Variants in MDN1 observed in about 807,000 individuals in gnomAD.
MDN1 encodes midasin AAA ATPase 1.
A neutral mutation model predicts 669.2 loss-of-function variants in MDN1; 266 were observed. The observed-to-expected ratio is 0.40, with a 90% CI of 0.36 to 0.44. The LOEUF is 0.44. Among genes scored for constraint, MDN1 ranks in the 20% least tolerant of loss-of-function variants. MDN1 has a pLI of 1.00. For synonymous variants in MDN1, 2,385 were observed against 2,457.1 expected (o/e 0.97, Z 0.87); for missense variants, 5,940 against 6,754.0 (o/e 0.88, Z 4.22).
In MDN1 at chr6:89,714,636, A is replaced by G. The variant is rs750485126; in HGVS notation, c.6976T>C (p.Leu2326=). 3 of 1,614,040 alleles carry G rather than the reference A, an allele frequency of 1.9e-6. No individual in the cohort carries two copies. Among genetic ancestry groups the G allele is most frequent in the Non-Finnish European group, 2.5e-6 (3 of 1,180,020 alleles). The change falls in exon 46 of 102, where the codon TTG becomes CTG. Residue 2326 remains leucine, a synonymous_variant. Coordinates refer to ENST00000369393, the MANE Select transcript of MDN1 (RefSeq NM_014611.3). ...CCAAGGCTGTGCAGCAGAACTTTCA[A>G]ATCCAGGTTGTCTGGGGTGCTTGCA... The part of the protein sequence containing the change: ...GDASTPDNLD[L]KVLLHSLGLV...
rs1321538903 is a variant in MDN1, at chr6:89,793,402, A to G, written c.855+360T>C. 2.6e-5 allele frequency among the ~76,000 whole-genome samples: 4 copies of G among 152,182 alleles called. No individual in the cohort carries two copies. In the East Asian group the frequency reaches 7.7e-4, roughly 29 times the overall value. On this transcript the variant is annotated intron_variant, in intron 5 of 101. Coordinates refer to ENST00000369393, the MANE Select transcript of MDN1 (RefSeq NM_014611.3). ...TTAAAGGCATCACACAGGAACCATTAGTTTCTAATTTCATATTAAACAGGG... is the reference window on the plus strand; with the variant it reads ...TTAAAGGCATCACACAGGAACCATTGGTTTCTAATTTCATATTAAACAGGG...
chr6:89,664,663 A>G, intron 84 of MDN1, 35 bp from the exon 85 acceptor site: 1 of 1,544,530 alleles, frequency 6.5e-7, no homozygotes, highest in Non-Finnish European at 8.9e-7. Flanking sequence ...AATAAATGAA[A>G]CTTTACCAAT....
chr6:89,662,302 G>A, intron 86 of MDN1, 63 bp from the exon 87 acceptor site: 1 of 1,528,830 alleles, frequency 6.5e-7, no homozygotes, highest in Non-Finnish European at 8.8e-7. Flanking sequence ...TTCTGCATGG[G>A]TTGACTTTTA....
chr6:89,812,510 G>A (rs760456441), intron 1 of MDN1, among the ~76,000 whole-genome samples: 4 of 151,752 alleles, frequency 2.6e-5, no homozygotes, highest in Non-Finnish European at 5.9e-5. Flanking sequence ...AACAAAAATA[G>A]AAAAGGAAAA....
intron 53 of MDN1, among the ~76,000 whole-genome samples, chr6:89,702,611 GATGTCTTGCTCATTTTAAAAACT>G (rs1813233381): frequency 1.3e-5 from 2 of 152,288 alleles, no homozygotes; most frequent in Middle Eastern, 6.8e-3. Context: ...ATTCTATTCA[GATGTCTTGCTCATTTTAAAAACT>G]AGGTTGTATT....
intron 87 of MDN1, 90 bp from the exon 88 acceptor site, chr6:89,661,668 T>TAC (rs1809775419): frequency 7.9e-6 from 10 of 1,259,086 alleles, no homozygotes; most frequent in Non-Finnish European, 1.1e-5. Context: ...TCTAAGTATT[T>TAC]ACACTGTGAG....
At chr6:89,700,519 T>TAA in intron 56 of MDN1, 127 bp downstream of exon 56, 1 of 873,778 alleles carries the variant, frequency 1.1e-6, no homozygotes, top group Middle Eastern at 2.8e-4. Flanking sequence ...GACACTTATA[T>TAA]AAAGGTATAT....
intron 44 of MDN1, 79 bp downstream of exon 44, chr6:89,716,571 C>G: frequency 1.4e-6 from 2 of 1,462,504 alleles, no homozygotes; most frequent in Non-Finnish European, 1.8e-6. Flanking sequence ...AAAATACCAG[C>G]ACTTCTATCT....
Position 89,719,142 on chromosome 6 carries a change from A to G in MDN1, c.6051T>C (p.Asp2017=). ...GTRLFRITPY[D]VQLGYSVLSR... ...ATTATCCTAGTCTCCTTACCTGAAC[A>G]TCATAGGGAGTGATACGAAATAGTC... is the stretch of plus-strand genomic sequence containing the variant. Residue 2017 remains aspartate (D), a synonymous_variant, in exon 41 of 102, where the codon GAT becomes GAC. Transcript: ENST00000369393. The G allele has an allele frequency of 3.1e-6, 5 of 1,613,420 alleles. No homozygotes were observed. Among genetic ancestry groups the G allele is most frequent in the Non-Finnish European group, 4.2e-6 (5 of 1,179,292 alleles).
chr6:89,692,876 C>A lies in MDN1; in HGVS notation c.10154G>T (p.Arg3385Leu). 9 of 1,614,222 alleles carry A rather than the reference C, an allele frequency of 5.6e-6. No homozygotes were observed. Among genetic ancestry groups the A allele is most frequent in the Non-Finnish European group, 7.6e-6 (9 of 1,180,034 alleles). ...ATAGAAGGTGTACTCCTCTGACAGCCGCTTCCGGAACTGGTGGTGTGACTG... is the reference window on the plus strand; with the variant it reads ...ATAGAAGGTGTACTCCTCTGACAGCAGCTTCCGGAACTGGTGGTGTGACTG... Reference protein sequence around the residue: ...WQQSHHQFRKRLSEEYTFYPD... With the variant: ...WQQSHHQFRKLLSEEYTFYPD... Residue 3385 changes from arginine to leucine, a missense_variant, in exon 63 of 102, where the codon CGG becomes CTG. Coordinates refer to ENST00000369393, the MANE Select transcript of MDN1 (RefSeq NM_014611.3).
At chr6:89,772,873 C>T (rs1425191660) in intron 13 of MDN1, 152 bp from the exon 14 acceptor site, 1 of 838,124 alleles carries the variant, frequency 1.2e-6, no homozygotes, top group African/African-American at 1.7e-5. Flanking sequence ...TTACAACATA[C>T]AAAAATTACA....
chr6:89,650,344 A>G, intron 96 of MDN1, 146 bp from the exon 97 acceptor site: 1 of 769,488 alleles, frequency 1.3e-6, no homozygotes, highest in East Asian at 2.7e-5. Flanking sequence ...TCAATTGACG[A>G]CTAAGGATCT....
At chr6:89,753,372 G>A (rs1434059031) in intron 22 of MDN1, 140 bp downstream of exon 22, 1 of 617,338 alleles carries the variant, frequency 1.6e-6, no homozygotes, top group Non-Finnish European at 2.8e-6. Flanking sequence ...CTAAACATAT[G>A]TTTCTGTAAT....
intron 15 of MDN1, among the ~76,000 whole-genome samples, chr6:89,769,535 C>T (rs1420573709): frequency 6.6e-6 from 1 of 152,170 alleles, no homozygotes; most frequent in East Asian, 1.9e-4. Context: ...CTTGCTTTGT[C>T]ATCCCAGCTA....
chr6:89,793,358 CG>C (rs1172754642), intron 5 of MDN1, among the ~76,000 whole-genome samples: 1 of 152,170 alleles, frequency 6.6e-6, no homozygotes, highest in Non-Finnish European at 1.5e-5. Flanking sequence ...AGAAGATATA[CG>C]GAACAGCTCC....
chr6:89,644,872 G>T, intron 101 of MDN1, 143 bp downstream of exon 101: 1 of 817,428 alleles, frequency 1.2e-6, no homozygotes, highest in Non-Finnish European at 1.8e-6. Context: ...ACTTACAAGT[G>T]CCTACAATGG....
At chr6:89,654,484 T>G (rs1344274019) in intron 92 of MDN1, 150 bp from the exon 93 acceptor site, 5 of 978,612 alleles carry the variant, frequency 5.1e-6, no homozygotes, top group South Asian at 3.2e-5. Context: ...TGGAGACTTG[T>G]CTGTGCACAA....
intron 97 of MDN1, among the ~76,000 whole-genome samples, chr6:89,649,134 T>C (rs552775384): frequency 6.6e-6 from 1 of 152,290 alleles, no homozygotes; most frequent in African/African-American, 2.4e-5. Context: ...CATATATATG[T>C]AGTCAGATCA....
In MDN1 at chr6:89,803,677, G is replaced by A. The variant is rs1322477092; in HGVS notation, c.103-123C>T. ...GCTCACTGCAAGCTCCACCTCCCGG[G>A]TTCATGCCATTCTCCTGCCCGAGCC... On this transcript the variant is annotated intron_variant, in intron 1 of 101. Transcript: ENST00000369393. 5.6e-6 allele frequency: 4 copies of A among 719,944 alleles called. No homozygotes were observed. The East Asian group carries it at 8.2e-5, about 15-fold the overall frequency. The allele number at this position is 719,944 out of a possible 1,614,324, so 44.6% of individuals were successfully genotyped here.
Sources: gnomAD v4.1 joint callset for allele counts (sites outside exome capture counted in the v4.1 genomes callset) on GRCh38, gnomAD v4.1.1 for gene constraint, MANE v1.5 for transcripts, NCBI Gene and HGNC (gene_info 2026-07-23, HGNC 2026-07-21) for gene names.